Variants in FAM53B observed in about 807,000 individuals in gnomAD.
FAM53B encodes the protein protein FAM53B.
In FAM53B, 12 loss-of-function variants were observed where a neutral mutation model predicts 32.7. The observed-to-expected ratio is 0.37, with a 90% confidence interval of 0.24 to 0.59. The LOEUF (loss-of-function observed/expected upper bound fraction) is 0.59, where lower values mean the gene tolerates loss of function less well. Ranked by LOEUF, FAM53B falls within the 20% of genes least tolerant of loss-of-function variation. The pLI, the probability that FAM53B is intolerant of heterozygous loss-of-function variation, is 0.72. For synonymous variants in FAM53B, 234 were observed against 228.7 expected, an observed-to-expected ratio of 1.02 and a Z score of -0.21; for missense variants, 477 against 577.7, an observed-to-expected ratio of 0.83 and a Z score of 1.79.
intron 1 of FAM53B, among the ~76,000 whole-genome samples, chr10:124,709,646 C>T (rs1166099104): frequency 2.0e-5 from 3 of 152,128 alleles, no homozygotes; most frequent in East Asian, 1.9e-4. Flanking sequence ...TAGCTGCCTA[C>T]AAGCAGGGCA....
intron 4 of FAM53B, among the ~76,000 whole-genome samples, chr10:124,666,030 G>A (rs1949670186): frequency 6.6e-6 from 1 of 152,212 alleles, no homozygotes; most frequent in Non-Finnish European, 1.5e-5. Flanking sequence ...ACAGGCAGTT[G>A]TATACAGCTG....
chr10:124,652,572 A>AG (rs1949563352), intron 4 of FAM53B, among the ~76,000 whole-genome samples: 1 of 152,200 alleles, frequency 6.6e-6, no homozygotes, highest in South Asian at 2.1e-4. Flanking sequence ...TGCAGAGGCA[A>AG]GGGGTCCAAG....
intron 4 of FAM53B, among the ~76,000 whole-genome samples, chr10:124,642,340 T>A (rs757705276): frequency 2.0e-5 from 3 of 151,922 alleles, no homozygotes; most frequent in Non-Finnish European, 4.4e-5. Flanking sequence ...CAGTGACGGG[T>A]CTCACTCTCA....
At chr10:124,667,388 A>G (rs1192193837) in intron 4 of FAM53B, 3 of 768,880 alleles carry the variant, frequency 3.9e-6, no homozygotes, top group Non-Finnish European at 7.3e-6. Context: ...CGCCTGTAAA[A>G]TGGATAACGA....
At chr10:124,710,059 G>A (rs1191930620) in intron 1 of FAM53B, among the ~76,000 whole-genome samples, 1 of 152,240 alleles carries the variant, frequency 6.6e-6, no homozygotes, top group East Asian at 1.9e-4. Flanking sequence ...TGTAAGCAAG[G>A]CGTGGCCGCC....
intron 4 of FAM53B, among the ~76,000 whole-genome samples, chr10:124,643,375 G>A (rs887049937): frequency 1.3e-5 from 2 of 152,258 alleles, no homozygotes; most frequent in South Asian, 2.1e-4. Flanking sequence ...TATTCACGAC[G>A]CGCAGGTGGC....
chr10:124,686,316 C>T (rs1026086157), intron 3 of FAM53B, among the ~76,000 whole-genome samples: 7 of 152,160 alleles, frequency 4.6e-5, no homozygotes, highest in Non-Finnish European at 1.0e-4. Context: ...ACAGGACCTA[C>T]TCCTTCTGTG....
intron 4 of FAM53B, among the ~76,000 whole-genome samples, chr10:124,678,011 A>G (rs981144099): frequency 1.3e-5 from 2 of 152,244 alleles, no homozygotes; most frequent in Non-Finnish European, 2.9e-5. Context: ...TCCCATTTAC[A>G]AAAGAAAAGC....
chr10:124,724,681 CG>C (rs1564888749), intron 1 of FAM53B, among the ~76,000 whole-genome samples: 2 of 152,164 alleles, frequency 1.3e-5, no homozygotes, highest in African/African-American at 4.8e-5. Flanking sequence ...AGCTGCAAAA[CG>C]GTTATTTCCA....
chr10:124,734,986 G>C (rs1950165315), intron 1 of FAM53B, among the ~76,000 whole-genome samples: 1 of 152,200 alleles, frequency 6.6e-6, no homozygotes, highest in Non-Finnish European at 1.5e-5. Context: ...TGCAGACTGA[G>C]GTCAGGTTCA....
chr10:124,730,398 G>T (rs181499042), intron 1 of FAM53B, among the ~76,000 whole-genome samples: 1 of 152,348 alleles, frequency 6.6e-6, no homozygotes, highest in East Asian at 1.9e-4. Context: ...CCTGCCAATG[G>T]TCATAGGATT....
Position 124,681,937 on chromosome 10 carries a change from C to A in FAM53B, c.576G>T (p.Gly192=). 6.2e-7 allele frequency: 1 copy of A among 1,614,018 alleles called. No individual in the cohort carries two copies. Among genetic ancestry groups the A allele is most frequent in the Non-Finnish European group, 8.5e-7 (1 of 1,180,004 alleles). Residue 192 remains glycine, a synonymous_variant, in exon 4 of 5, where the codon GGG becomes GGT. Transcript: ENST00000337318. ...AGCCTGGCACCCCTTGGCAGGGCTGCCCTCCAAATCGGTGGTGGAGTCCTG... is the reference window on the plus strand; with the variant it reads ...AGCCTGGCACCCCTTGGCAGGGCTGACCTCCAAATCGGTGGTGGAGTCCTG... The part of the protein sequence containing the change: ...DQAGLHHRFG[G]QPCQGVPGSA...
chr10:124,679,681 C>T, intron 4 of FAM53B, among the ~76,000 whole-genome samples: 1 of 152,252 alleles, frequency 6.6e-6, no homozygotes, highest in Admixed American at 6.5e-5. Flanking sequence ...AGACCCACTG[C>T]CAAGCAGGCG....
intron 4 of FAM53B, among the ~76,000 whole-genome samples, chr10:124,639,435 T>C (rs1465119015): frequency 6.6e-6 from 1 of 152,130 alleles, no homozygotes; most frequent in Non-Finnish European, 1.5e-5. Context: ...TCTGTCTAGC[T>C]GAGTGGCCTT....
At chr10:124,642,990 A>C (rs1347714290) in intron 4 of FAM53B, among the ~76,000 whole-genome samples, 1 of 152,252 alleles carries the variant, frequency 6.6e-6, no homozygotes, top group Admixed American at 6.5e-5. Context: ...TCCTGACGGT[A>C]TCGTGGGACC....
At chr10:124,628,696 T>A (rs985394937) in intron 4 of FAM53B, among the ~76,000 whole-genome samples, 2 of 152,172 alleles carry the variant, frequency 1.3e-5, no homozygotes, top group African/African-American at 4.8e-5. Flanking sequence ...TGGCTGCCCC[T>A]TCCGGAACTA....
At chr10:124,626,434 G>C (rs1021425178) in intron 4 of FAM53B, among the ~76,000 whole-genome samples, 6 of 146,904 alleles carry the variant, frequency 4.1e-5, no homozygotes, top group Non-Finnish European at 7.5e-5. Context: ...TGGGGCCTCT[G>C]GGAGGTGATG....
At chr10:124,644,953 T>G (rs755307844) in intron 4 of FAM53B, among the ~76,000 whole-genome samples, 78 of 152,160 alleles carry the variant, frequency 5.1e-4, no homozygotes, top group Non-Finnish European at 2.1e-4. Context: ...GGGGCCTGCC[T>G]CTTGCTCTCC....
intron 1 of FAM53B, among the ~76,000 whole-genome samples, chr10:124,722,920 T>A (rs1950078459): frequency 6.6e-6 from 1 of 152,212 alleles, no homozygotes; most frequent in Non-Finnish European, 1.5e-5. Context: ...CCACATGCAG[T>A]TTCCTGCCTC....
Sources: gnomAD v4.1 joint callset for allele counts (sites outside exome capture counted in the v4.1 genomes callset) on GRCh38, gnomAD v4.1.1 for gene constraint, MANE v1.5 for transcripts, NCBI Gene and HGNC (gene_info 2026-07-23, HGNC 2026-07-21) for gene names.